The following CLMP variants were observed in gnomAD, a reference collection of about 807,000 sequenced individuals.
CLMP encodes the protein CXADR like cell adhesion molecule, also known as CXADR-like membrane protein.
CLMP carries 27 observed loss-of-function variants against 45.2 expected under a neutral mutation model. That is an observed-to-expected ratio of 0.60 (90% confidence interval 0.44 to 0.82). CLMP has a LOEUF of 0.82. Ranked by LOEUF, CLMP falls within the 40% of genes least tolerant of loss-of-function variation. The probability of loss-of-function intolerance (pLI) is 0.00; values close to 1 mark genes in which losing one functional copy is unlikely to be tolerated. For synonymous variants in CLMP, 167 were observed against 171.4 expected (o/e 0.97, Z 0.20); for missense variants, 403 against 448.4 (o/e 0.90, Z 0.91).
rs1323763862 is a variant in CLMP, at chr11:123,073,754, T to C, written c.842A>G (p.Lys281Arg). ...NEIREDAEAP[K>R]ARLVKPSSSS... ...GGAGCTGGGTTTCACAAGACGGGCT[T>C]TTGGAGCTTCAGCATCTTCTCTGAA... The change falls in exon 7 of 7, where the codon AAA becomes AGA. Residue 281 changes from lysine (K) to arginine (R), a missense_variant. By Grantham distance (26) the Lys-to-Arg change is conservative (BLOSUM62 2). Coordinates refer to ENST00000448775, the MANE Select transcript of CLMP (RefSeq NM_024769.5). 6.3e-7 allele frequency: 1 copy of C among 1,599,212 alleles called. No individual in the cohort carries two copies. The highest frequency in any genetic ancestry group is 1.3e-5 in the African/African-American group (1 of 74,208).
intron 1 of CLMP, among the ~76,000 whole-genome samples, chr11:123,126,509 C>G (rs1341976290): frequency 6.6e-6 from 1 of 152,140 alleles, no homozygotes; most frequent in African/African-American, 2.4e-5. Flanking sequence ...GCTCCAGCCT[C>G]AGCGTTTCAG....
chr11:123,131,066 C>T (rs1860980150), intron 1 of CLMP, among the ~76,000 whole-genome samples: 1 of 152,102 alleles, frequency 6.6e-6, no homozygotes, highest in South Asian at 2.1e-4. Flanking sequence ...TGGTCTTGAA[C>T]TCCTGACCTC....
At chr11:123,120,377 ATCTTTTCTC>A (rs1860797628) in intron 1 of CLMP, among the ~76,000 whole-genome samples, 1 of 151,570 alleles carries the variant, frequency 6.6e-6, no homozygotes, top group African/African-American at 2.4e-5. Flanking sequence ...TTTTTTTTAG[ATCTTTTCTC>A]TCATGTTGTT....
intron 1 of CLMP, among the ~76,000 whole-genome samples, chr11:123,177,332 T>TGGAC (rs1565404604): frequency 6.6e-6 from 1 of 151,708 alleles, no homozygotes; most frequent in Non-Finnish European, 1.5e-5. Context: ...GGGTGGGGAG[T>TGGAC]GGACATTGGC....
chr11:123,180,131 C>T (rs543500352), intron 1 of CLMP, among the ~76,000 whole-genome samples: 1 of 152,338 alleles, frequency 6.6e-6, no homozygotes, highest in Non-Finnish European at 1.5e-5. Context: ...AGCTGTGTCA[C>T]CTTCAGTGAG....
rs755061318 is a variant in CLMP at position 123,073,635 on chromosome 11, C to T, written c.961G>A (p.Asp321Asn). 2.5e-6 allele frequency: 4 copies of T among 1,614,230 alleles called. No individual in the cohort carries two copies. The East Asian group carries it at 6.7e-5, about 27-fold the overall frequency. ...GCCAGCCCTGGCTGGGGTGCTGCGT[C>T]AGTTGACAGTGTCCGCTGGCTGCGT... ...ASRSQRTLST[D>N]AAPQPGLATQ... is the part of the protein sequence containing the mutation. Residue 321 changes from aspartate to asparagine, a missense_variant, in exon 7 of 7, where the codon GAC becomes AAC. Asp to Asn is a conservative substitution (Grantham distance 23). Coordinates refer to ENST00000448775, the MANE Select transcript of CLMP (RefSeq NM_024769.5).
chr11:123,183,300 G>A (rs1591489742), intron 1 of CLMP, among the ~76,000 whole-genome samples: 1 of 151,952 alleles, frequency 6.6e-6, no homozygotes, highest in East Asian at 1.9e-4. Flanking sequence ...GCGGGATCTC[G>A]GCTCACTGCA....
intron 2 of CLMP, among the ~76,000 whole-genome samples, chr11:123,092,576 G>T (rs1209364503): frequency 1.3e-5 from 2 of 152,026 alleles, no homozygotes; most frequent in Non-Finnish European, 2.9e-5. Flanking sequence ...GATTACAGGC[G>T]TGAGCCACTG....
intron 2 of CLMP, among the ~76,000 whole-genome samples, chr11:123,090,904 TG>T (rs1565379761): frequency 1.3e-5 from 2 of 152,148 alleles, no homozygotes. Flanking sequence ...TTATATAGGT[TG>T]TGGTTATGTG....
At chr11:123,182,712 C>T (rs1221995935) in intron 1 of CLMP, among the ~76,000 whole-genome samples, 2 of 152,204 alleles carry the variant, frequency 1.3e-5, no homozygotes, top group African/African-American at 2.4e-5. Flanking sequence ...CACTCCAGCC[C>T]GACCTCGGCA....
intron 1 of CLMP, among the ~76,000 whole-genome samples, chr11:123,133,838 A>C (rs537651210): frequency 3.3e-5 from 5 of 152,278 alleles, no homozygotes; most frequent in Non-Finnish European, 5.9e-5. Flanking sequence ...TGTCTCCCCC[A>C]GCTTATTACC....
chr11:123,086,354 G>A (rs11218965), intron 2 of CLMP, among the ~76,000 whole-genome samples: 3,164 of 152,302 alleles, frequency 0.021, 103 homozygotes, highest in East Asian at 0.17. Context: ...GCTAGGCTTT[G>A]AGAGGCAAGG....
chr11:123,179,562 G>C (rs955640641), intron 1 of CLMP, among the ~76,000 whole-genome samples: 17 of 152,214 alleles, frequency 1.1e-4, no homozygotes, highest in Admixed American at 1.1e-3. Flanking sequence ...TTTGTGCTAG[G>C]AGGGGGTTTG....
intron 1 of CLMP, among the ~76,000 whole-genome samples, chr11:123,176,690 G>C (rs1000696050): frequency 2.0e-5 from 3 of 152,174 alleles, no homozygotes; most frequent in African/African-American, 7.2e-5. Context: ...CAATCTGTCA[G>C]GCCAAGCCTT....
intron 4 of CLMP, 61 bp from the exon 5 acceptor site, chr11:123,083,268 T>G (rs1865826342): frequency 2.7e-6 from 4 of 1,477,768 alleles, no homozygotes; most frequent in African/African-American, 2.8e-5. Flanking sequence ...ATTTATTGTT[T>G]ACTTTATTGT....
intron 1 of CLMP, among the ~76,000 whole-genome samples, chr11:123,128,991 A>G (rs1465541214): frequency 6.6e-6 from 1 of 152,188 alleles, no homozygotes; most frequent in Non-Finnish European, 1.5e-5. Context: ...AGCCGGTGTT[A>G]AACTGAAGAT....
At chr11:123,091,728 T>A (rs551915776) in intron 2 of CLMP, among the ~76,000 whole-genome samples, 1 of 152,346 alleles carries the variant, frequency 6.6e-6, no homozygotes, top group South Asian at 2.1e-4. Flanking sequence ...ACTGGAGTGC[T>A]GTGCAGGCCT....
chr11:123,118,540 G>C (rs12293887), intron 1 of CLMP, among the ~76,000 whole-genome samples: 34,746 of 152,106 alleles, frequency 0.23, 4,142 homozygotes, highest in Admixed American at 0.29. Context: ...CTTCTTTTCT[G>C]CCAGAGACAG....
intron 1 of CLMP, among the ~76,000 whole-genome samples, chr11:123,145,452 G>GTTTTTT (rs66487810): frequency 8.1e-5 from 5 of 61,806 alleles, no homozygotes; most frequent in African/African-American, 2.1e-4. Flanking sequence ...CTCTGCGGCT[G>GTTTTTT]TTTTTTTTTT....
Sources: allele counts gnomAD v4.1 joint callset (sites outside exome capture counted in the v4.1 genomes callset), GRCh38; gene constraint gnomAD v4.1.1; transcripts MANE v1.5; gene names NCBI Gene and HGNC (gene_info 2026-07-23, HGNC 2026-07-21).